Variants in BFAR observed in about 807,000 individuals in gnomAD.
BFAR encodes the protein RING finger protein 47.
BFAR carries 52 observed loss-of-function variants against 54.4 expected under a neutral mutation model. The ratio of observed to expected loss-of-function variants is 0.96; its 90% confidence interval spans 0.77 to 1.21. The LOEUF (loss-of-function observed/expected upper bound fraction) is 1.21, where lower values mean the gene tolerates loss of function less well. BFAR is among the 50% of genes most tolerant of loss of function. BFAR has a pLI of 0.00. For synonymous variants in BFAR, 215 were observed against 204.3 expected (o/e 1.05, Z -0.45); for missense variants, 571 against 534.0 (o/e 1.07, Z -0.68).
chr16:14,644,686 TA>T, intron 2 of BFAR, 77 bp downstream of exon 2: 1 of 1,311,782 alleles, frequency 7.6e-7, no homozygotes, highest in Non-Finnish European at 1.0e-6. Context: ...TTTTTTTTTT[TA>T]ACAGAGATGG....
intron 5 of BFAR, among the ~76,000 whole-genome samples, chr16:14,661,108 A>T (rs1231444748): frequency 6.6e-6 from 1 of 152,200 alleles, no homozygotes; most frequent in Non-Finnish European, 1.5e-5. Flanking sequence ...AAACTGAAGA[A>T]AATGAAAATG....
chr16:14,648,364 A>ATTTTTTT (rs540587741), intron 2 of BFAR, 24 bp from the exon 3 acceptor site: 8 of 1,494,910 alleles, frequency 5.4e-6, no homozygotes, highest in Admixed American at 5.2e-5. Flanking sequence ...AACTGTCTTA[A>ATTTTTTT]TTTTTTTTTT....
chr16:14,640,590 A>G (rs945175387), intron 1 of BFAR, among the ~76,000 whole-genome samples: 1 of 152,162 alleles, frequency 6.6e-6, no homozygotes, highest in Non-Finnish European at 1.5e-5. Context: ...AAGCCTCCCT[A>G]CAGGCCAGGT....
At chr16:14,647,959 G>A (rs1302867615) in intron 2 of BFAR, among the ~76,000 whole-genome samples, 2 of 152,148 alleles carry the variant, frequency 1.3e-5, no homozygotes, top group Admixed American at 1.3e-4. Context: ...GTAATGGTAG[G>A]CTGGGTGCAG....
intron 3 of BFAR, 112 bp from the exon 4 acceptor site, chr16:14,649,692 C>A: frequency 2.1e-6 from 2 of 953,526 alleles, no homozygotes; most frequent in Non-Finnish European, 3.1e-6. Flanking sequence ...GTACGGGCTC[C>A]GCATCATTCC....
At chr16:14,643,852 C>G (rs571649708) in intron 1 of BFAR, 1 of 152,432 alleles carries the variant, frequency 6.6e-6, no homozygotes, top group East Asian at 1.9e-4. Flanking sequence ...AAGCCTCCCC[C>G]ACCCCCACCA....
intron 1 of BFAR, among the ~76,000 whole-genome samples, chr16:14,639,698 T>G (rs1003824873): frequency 2.0e-5 from 3 of 152,198 alleles, no homozygotes; most frequent in Admixed American, 6.5e-5. Context: ...TTTTAGGGAT[T>G]TAAAGATAAT....
At position 14,655,161 on chromosome 16, in the gene BFAR, G is replaced by A. The variant is rs35377618; in HGVS notation, c.734G>A (p.Arg245His). ...HRRAILMELE[R>H]VKALGVKPPQ... is the part of the protein sequence containing the mutation. ...AGAGCCATCCTCATGGAGCTAGAACGTGTCAAAGCATTAGGCGTGAAGCCC... is the reference window on the plus strand; with the variant it reads ...AGAGCCATCCTCATGGAGCTAGAACATGTCAAAGCATTAGGCGTGAAGCCC... Residue 245 changes from arginine to histidine, a missense_variant, in exon 5 of 8, where the codon CGT (arginine) becomes CAT (histidine). Coordinates refer to ENST00000261658, the MANE Select transcript of BFAR (RefSeq NM_016561.3). 1.8e-3 allele frequency: 2,959 copies of A among 1,601,272 alleles called. 49 individuals carry two copies. The African/African-American group carries it at 0.034, about 18-fold the overall frequency.
At position 14,661,925 on chromosome 16, in the gene BFAR, T is replaced by C. The variant is rs959898443; in HGVS notation, c.817T>C (p.Tyr273His). The change falls in exon 6 of 8, where the codon TAC becomes CAC. Residue 273 changes from tyrosine (Y) to histidine (H), a missense_variant. Transcript: ENST00000261658. ...VNPGRSLFLL[Y>H]ALKSSPRLSL... ...CCCAGGCAGGTCCCTGTTCCTGCTA[T>C]ACGCCCTCAAGAGCTCCCCCAGGCT... 3.1e-6 allele frequency: 5 copies of C among 1,614,090 alleles called. No individual in the cohort carries two copies. The African/African-American group carries it at 6.7e-5, about 22-fold the overall frequency.
chr16:14,652,828 C>T (rs535009431), intron 4 of BFAR, among the ~76,000 whole-genome samples: 12 of 151,972 alleles, frequency 7.9e-5, no homozygotes, highest in African/African-American at 2.9e-4. Flanking sequence ...AAGGGTGTTA[C>T]GTATAACATC....
At chr16:14,666,746 A>T (rs1434059871) in intron 7 of BFAR, among the ~76,000 whole-genome samples, 1 of 152,130 alleles carries the variant, frequency 6.6e-6, no homozygotes, top group Non-Finnish European at 1.5e-5. Flanking sequence ...TAAAAATAAA[A>T]AAAGAATCTC....
chr16:14,648,419 A>G lies in BFAR; in HGVS notation c.295A>G (p.Ile99Val), dbSNP rs138008477. The G allele has an allele frequency of 5.8e-5, 93 of 1,613,664 alleles. No homozygotes were observed. In the African/African-American group the frequency reaches 9.6e-4, roughly 17 times the overall value. ...CATTGAAAAGTTATTTCCTGATGCC[A>G]TTAGACTGAGATTTGAAGACATTCA... is the stretch of plus-strand genomic sequence containing the variant. ...DAIEKLFPDA[I>V]RLRFEDIQQN... Residue 99 changes from isoleucine (I) to valine (V), a missense_variant, in exon 3 of 8, where the codon ATT becomes GTT. Ile to Val is a conservative substitution (Grantham distance 29, BLOSUM62 3). Coordinates refer to ENST00000261658, the MANE Select transcript of BFAR (RefSeq NM_016561.3).
At chr16:14,652,439 C>G (rs886768489) in intron 4 of BFAR, among the ~76,000 whole-genome samples, 24 of 151,586 alleles carry the variant, frequency 1.6e-4, no homozygotes, top group Admixed American at 8.6e-4. Context: ...TGCCATCATG[C>G]GTGGCTAATT....
chr16:14,646,112 C>T (rs530885365), intron 2 of BFAR, among the ~76,000 whole-genome samples: 1 of 152,200 alleles, frequency 6.6e-6, no homozygotes, highest in African/African-American at 2.4e-5. Flanking sequence ...AGTGCAATGG[C>T]GTGATCTCGA....
In BFAR at chr16:14,661,902, C is replaced by A; in HGVS notation, c.794C>A (p.Pro265Gln). ...QNLWEYKAVN[P>Q]GRSLFLLYAL... ...TCTTCTCCTCTGCAGGCTGTGAACC[C>A]AGGCAGGTCCCTGTTCCTGCTATAC... The change falls in exon 6 of 8, where the codon CCA (proline) becomes CAA (glutamine). Residue 265 changes from proline (P) to glutamine (Q), a missense_variant. Pro to Gln is a moderately conservative substitution (Grantham distance 76, BLOSUM62 -1). Coordinates refer to ENST00000261658, the MANE Select transcript of BFAR (RefSeq NM_016561.3). 1.9e-6 allele frequency: 3 copies of A among 1,614,122 alleles called. No individual in the cohort carries two copies. Among genetic ancestry groups the A allele is most frequent in the Non-Finnish European group, 2.5e-6 (3 of 1,180,004 alleles).
At chr16:14,639,339 G>A (rs928005253) in intron 1 of BFAR, among the ~76,000 whole-genome samples, 2 of 151,274 alleles carry the variant, frequency 1.3e-5, no homozygotes, top group African/African-American at 4.9e-5. Flanking sequence ...ACAGAGTCTC[G>A]CTGTGTCACC....
At chr16:14,666,594 A>T (rs986612286) in intron 7 of BFAR, among the ~76,000 whole-genome samples, 1 of 152,006 alleles carries the variant, frequency 6.6e-6, no homozygotes, top group African/African-American at 2.4e-5. Flanking sequence ...AAAACTTAGA[A>T]GCTATTTCCA....
intron 1 of BFAR, chr16:14,633,422 C>T (rs1300068712): frequency 6.6e-6 from 1 of 152,464 alleles, no homozygotes; most frequent in African/African-American, 2.4e-5. Flanking sequence ...CTGCAACAGC[C>T]GGACCAGAAT....
intron 4 of BFAR, among the ~76,000 whole-genome samples, chr16:14,653,514 C>T (rs890484391): frequency 1.4e-4 from 22 of 151,790 alleles, no homozygotes; most frequent in Admixed American, 9.2e-4. Context: ...TTAGTAGAGA[C>T]GAGGTTTCAC....
Sources: gnomAD v4.1 joint callset for allele counts (sites outside exome capture counted in the v4.1 genomes callset) on GRCh38, gnomAD v4.1.1 for gene constraint, MANE v1.5 for transcripts, NCBI Gene and HGNC (gene_info 2026-07-23, HGNC 2026-07-21) for gene names.